PAK1: variants seen among roughly 807,000 people sequenced by gnomAD.
PAK1 encodes the protein p21 (RAC1) activated kinase 1, also known as serine/threonine-protein kinase PAK 1.
In PAK1, 29 loss-of-function variants were observed where a neutral mutation model predicts 67.4. That is an observed-to-expected ratio of 0.43 (90% CI 0.32 to 0.59). The LOEUF (loss-of-function observed/expected upper bound fraction) is 0.59. Ranked by LOEUF, PAK1 falls within the 20% of genes least tolerant of loss-of-function variation. The pLI is 0.07. For synonymous variants in PAK1, 223 were observed against 237.4 expected, an observed-to-expected ratio of 0.94 and a Z score of 0.56; for missense variants, 337 against 670.7, an observed-to-expected ratio of 0.50 and a Z score of 5.50.
At chr11:77,499,456 T>G in the PAK1 span, among the ~76,000 whole-genome samples, 2 of 152,220 alleles carry the variant, frequency 1.3e-5, no homozygotes, top group Non-Finnish European at 2.9e-5. Flanking sequence ...CATACAGTTT[T>G]AGAGATGTCT....
At chr11:77,337,779 G>C (rs1203715276) in intron 11 of PAK1, among the ~76,000 whole-genome samples, 2 of 152,028 alleles carry the variant, frequency 1.3e-5, no homozygotes, top group Admixed American at 6.6e-5. Flanking sequence ...ACAGACCAGA[G>C]GAAAACAACA....
chr11:77,425,519 C>A (rs1489160643), intron 1 of PAK1, among the ~76,000 whole-genome samples: 1 of 152,182 alleles, frequency 6.6e-6, no homozygotes, highest in Non-Finnish European at 1.5e-5. Context: ...CAATGCCCAG[C>A]CCCACGGCTA....
chr11:77,367,024 A>C (rs1313864592), intron 5 of PAK1, among the ~76,000 whole-genome samples: 4 of 152,260 alleles, frequency 2.6e-5, no homozygotes, highest in Non-Finnish European at 5.9e-5. Context: ...CAAGAAATGA[A>C]ATACACCATA....
intron 2 of PAK1, among the ~76,000 whole-genome samples, chr11:77,390,142 A>G (rs1245634775): frequency 2.0e-5 from 3 of 152,238 alleles, no homozygotes; most frequent in Non-Finnish European, 2.9e-5. Context: ...GGCAGCTACT[A>G]TATGAATGAA....
At chr11:77,434,289 G>A (rs1956006142) in intron 1 of PAK1, among the ~76,000 whole-genome samples, 1 of 152,184 alleles carries the variant, frequency 6.6e-6, no homozygotes, top group East Asian at 1.9e-4. Flanking sequence ...CCATACAACA[G>A]AATTCAGCAG....
intron 1 of PAK1, among the ~76,000 whole-genome samples, chr11:77,409,085 G>A (rs1210354654): frequency 6.6e-6 from 1 of 151,450 alleles, no homozygotes; most frequent in Non-Finnish European, 1.5e-5. Context: ...GGCAACATAA[G>A]GAGACCACAC....
intron 13 of PAK1, among the ~76,000 whole-genome samples, chr11:77,334,505 A>T (rs543939377): frequency 1.3e-5 from 2 of 152,364 alleles, no homozygotes; most frequent in South Asian, 4.1e-4. Context: ...AGAAAATAAA[A>T]GCAATCAGAA....
At chr11:77,328,392 A>T (rs1940582326) in intron 14 of PAK1, among the ~76,000 whole-genome samples, 2 of 152,056 alleles carry the variant, frequency 1.3e-5, no homozygotes, top group African/African-American at 2.4e-5. Context: ...GAAGTAAAGC[A>T]CTCCTCAGCA....
rs760025622 is a variant in PAK1, at chr11:77,323,193, G to C, written c.*81C>G. The C allele has an allele frequency of 1.3e-6, 2 of 1,594,650 alleles. No individual in the cohort carries two copies. Among genetic ancestry groups the C allele is most frequent in the Non-Finnish European group, 1.7e-6 (2 of 1,170,040 alleles). ...TGGGAGAAGCAAGGCAAGGAGAAGA[G>C]GGCATCAGGAGTTGGAATTTCTGAA... On this transcript the variant is annotated 3_prime_UTR_variant, in exon 15 of 15. Transcript: ENST00000356341.
chr11:77,499,412 T>G, the PAK1 span, among the ~76,000 whole-genome samples: 1 of 152,156 alleles, frequency 6.6e-6, no homozygotes, highest in African/African-American at 2.4e-5. Context: ...TACATGTAAA[T>G]AAATATATTT....
Position 77,379,978 on chromosome 11 carries a change from CTCTT to C in PAK1, c.203_206del (p.Lys68ArgfsTer75). On this transcript the variant is annotated frameshift_variant, in exon 3 of 15. Coordinates refer to ENST00000356341, the MANE Select transcript of PAK1 (RefSeq NM_002576.5). LOFTEE classifies it high-confidence loss of function. ...GGAGAGAAATCTCTGGCCGCTCTTTCTCTTTCTTTTTATTTGCTGCAAGAGAAAC... is the reference window on the plus strand; with the variant it reads ...GGAGAGAAATCTCTGGCCGCTCTTTCTCTTTTTATTTGCTGCAAGAGAAAC... 1.9e-6 allele frequency: 3 copies of C among 1,613,156 alleles called. No individual in the cohort carries two copies. The highest frequency in any genetic ancestry group is 1.7e-6 in the Non-Finnish European group (2 of 1,179,482).
Position 77,379,879 on chromosome 11 carries a change from T to C in PAK1, c.291+15A>G, listed in dbSNP as rs1289546228. The stretch of plus-strand genomic sequence containing the variant: ...CTCTAAAAGACTAAAGACCTTTCTG[T>C]GACCCAGGACTTACCGTAAACTCCC... On this transcript the variant is annotated intron_variant, in intron 3 of 14. Coordinates refer to ENST00000356341, the MANE Select transcript of PAK1 (RefSeq NM_002576.5). 15 of 1,572,980 alleles carry C rather than the reference T, an allele frequency of 9.5e-6. No homozygotes were observed. Among genetic ancestry groups the C allele is most frequent in the Non-Finnish European group, 1.3e-5 (15 of 1,146,776 alleles).
intron 9 of PAK1, among the ~76,000 whole-genome samples, chr11:77,348,800 A>C (rs1461821439): frequency 6.6e-6 from 1 of 152,082 alleles, no homozygotes; most frequent in Non-Finnish European, 1.5e-5. Flanking sequence ...TTATCCTGCT[A>C]TTTGGCTTTT....
rs1039785622 is a variant in PAK1, at chr11:77,461,775, C to T, written c.-22+11777G>A. 1.4e-4 allele frequency among the ~76,000 whole-genome samples: 22 copies of T among 152,118 alleles called. 3 individuals carry two copies. The highest frequency in any genetic ancestry group is 1.2e-3 in the Admixed American group (19 of 15,274). ...CAAAGCCCTGTTATTTTTAATGGAA[C>T]AAAGTCACATTATTCATGTTAAGCT... is the stretch of plus-strand genomic sequence containing the variant. On this transcript the variant is annotated intron_variant, in intron 1 of 14. Coordinates refer to ENST00000356341, the MANE Select transcript of PAK1 (RefSeq NM_002576.5).
At chr11:77,474,369 C>T, upstream of PAK1, 1 of 152,188 alleles carries the variant, frequency 6.6e-6, no homozygotes, top group Non-Finnish European at 1.5e-5. Flanking sequence ...CGGCGCGTGA[C>T]GCCAGAGGCT....
chr11:77,329,443 G>C (rs1012084374), intron 14 of PAK1: 3 of 152,238 alleles, frequency 2.0e-5, no homozygotes, highest in Admixed American at 2.0e-4. Flanking sequence ...CCATGATCAA[G>C]TGGGCTTCAT....
chr11:77,489,940 C>T, the PAK1 span, among the ~76,000 whole-genome samples: 9 of 151,852 alleles, frequency 5.9e-5, no homozygotes, highest in East Asian at 9.8e-4. Flanking sequence ...CCCCTCTGCC[C>T]AGCTGCCCAC....
intron 1 of PAK1, among the ~76,000 whole-genome samples, chr11:77,455,014 T>A (rs1451828747): frequency 6.6e-6 from 1 of 152,136 alleles, no homozygotes; most frequent in Non-Finnish European, 1.5e-5. Context: ...GTCTCTCTCA[T>A]CCACTGGTGA....
At chr11:77,369,682 A>C (rs1023757661) in intron 5 of PAK1, among the ~76,000 whole-genome samples, 1 of 151,928 alleles carries the variant, frequency 6.6e-6, no homozygotes, top group African/African-American at 2.4e-5. Context: ...TCCTGACCTC[A>C]GGTGATCCAC....
Sources: gnomAD v4.1 joint callset for allele counts (sites outside exome capture counted in the v4.1 genomes callset) on GRCh38, gnomAD v4.1.1 for gene constraint, MANE v1.5 for transcripts, NCBI Gene and HGNC (gene_info 2026-07-23, HGNC 2026-07-21) for gene names.